Variants in NELL2 observed in about 807,000 individuals in gnomAD.
The protein encoded by NELL2 is protein kinase C-binding protein NELL2.
Under a neutral mutation model 109.6 loss-of-function variants are expected in NELL2, and 41 were observed. That is an observed-to-expected ratio of 0.37 (90% confidence interval 0.29 to 0.49). NELL2 has a LOEUF of 0.49. Among genes scored for constraint, NELL2 ranks in the 20% least tolerant of loss-of-function variants. The pLI is 0.98. For synonymous variants in NELL2, 355 were observed against 344.7 expected, an observed-to-expected ratio of 1.03 and a Z score of -0.33; for missense variants, 900 against 1,008.3, an observed-to-expected ratio of 0.89 and a Z score of 1.45.
rs147939887 is a variant in NELL2, at chr12:44,712,153, T to C, written c.1087-759A>G. On this transcript the variant is annotated intron_variant, in intron 10 of 19. Coordinates refer to ENST00000429094, the MANE Select transcript of NELL2 (RefSeq NM_001145108.2). Reference sequence around the variant, plus strand: ...AAAACAAGGATCATTAACTATGTTATATTATGCTAACCAATACATAAGTAA... The same window carrying C: ...AAAACAAGGATCATTAACTATGTTACATTATGCTAACCAATACATAAGTAA... Among the ~76,000 whole-genome samples the C allele has an allele frequency of 8.5e-4, 130 of 152,206 alleles. 1 individual carries two copies. The highest frequency in any genetic ancestry group is 3.6e-3 in the Admixed American group (55 of 15,252).
intron 9 of NELL2, among the ~76,000 whole-genome samples, chr12:44,725,386 G>GATT (rs1457609085): frequency 6.6e-6 from 1 of 152,062 alleles, no homozygotes; most frequent in East Asian, 1.9e-4. Flanking sequence ...AAAAGGGAAT[G>GATT]ATTATACGCT....
At chr12:44,762,155 A>G (rs1941154101) in intron 9 of NELL2, among the ~76,000 whole-genome samples, 2 of 152,188 alleles carry the variant, frequency 1.3e-5, no homozygotes, top group African/African-American at 2.4e-5. Context: ...TCCAGACTCC[A>G]GGCTCAAATA....
intron 2 of NELL2, among the ~76,000 whole-genome samples, chr12:44,868,181 T>C (rs1273101010): frequency 6.7e-6 from 1 of 149,326 alleles, no homozygotes; most frequent in Non-Finnish European, 1.5e-5. Flanking sequence ...AACAATCTCA[T>C]TTACAATGGC....
chr12:44,803,224 G>C (rs1942890951), intron 3 of NELL2, among the ~76,000 whole-genome samples: 1 of 83,210 alleles, frequency 1.2e-5, no homozygotes, highest in African/African-American at 3.9e-5. Context: ...AACTGGAACT[G>C]CTCCAGATTG....
At chr12:44,529,944 T>C (rs1322455921) in intron 16 of NELL2, among the ~76,000 whole-genome samples, 2 of 152,214 alleles carry the variant, frequency 1.3e-5, no homozygotes, top group African/African-American at 4.8e-5. Flanking sequence ...TTTGCTTTTG[T>C]TTTGTTTTCA....
intron 13 of NELL2, among the ~76,000 whole-genome samples, chr12:44,644,608 G>GTATATATA (rs1180129986): frequency 7.8e-4 from 71 of 90,808 alleles, no homozygotes; most frequent in African/African-American, 3.0e-3. Context: ...ATATATGTAT[G>GTATATATA]TATATATATA....
At chr12:44,595,593 AT>A (rs57566164) in intron 15 of NELL2, among the ~76,000 whole-genome samples, 45,644 of 121,416 alleles carry the variant, frequency 0.38, 6,716 homozygotes, top group African/African-American at 0.43. Flanking sequence ...CACCCAGCTA[AT>A]TTTTTTTTTT....
At chr12:44,880,650 GAGGCT>G (rs909669905), upstream of NELL2, among the ~76,000 whole-genome samples, 19 of 152,062 alleles carry the variant, frequency 1.2e-4, 1 homozygote, top group African/African-American at 4.3e-4. Context: ...AGAATATCAT[GAGGCT>G]CTAACTCTGG....
intron 12 of NELL2, among the ~76,000 whole-genome samples, chr12:44,676,203 G>A (rs1776061522): frequency 6.6e-6 from 1 of 152,074 alleles, no homozygotes; most frequent in African/African-American, 2.4e-5. Context: ...TGAAATACTG[G>A]CTGGCAAAGT....
rs577849443 is a variant in NELL2, at chr12:44,700,311, C to T, written c.1318+3415G>A. ...CCCTGCATCCAGCCTTTCTCCTGTT[C>T]ATCCTACAGCTGGAGTGATATGTTT... On this transcript the variant is annotated intron_variant, in intron 12 of 19. Coordinates refer to ENST00000429094, the MANE Select transcript of NELL2 (RefSeq NM_001145108.2). 1.8e-3 allele frequency among the ~76,000 whole-genome samples: 270 copies of T among 152,308 alleles called. 2 individuals carry two copies. The highest frequency in any genetic ancestry group is 6.2e-3 in the African/African-American group (256 of 41,582).
At chr12:44,703,175 T>C (rs1937651657) in intron 12 of NELL2, among the ~76,000 whole-genome samples, 2 of 152,252 alleles carry the variant, frequency 1.3e-5, no homozygotes, top group African/African-American at 4.8e-5. Flanking sequence ...TCACTGTATG[T>C]GGACAGTTTC....
chr12:44,791,640 TA>T (rs112766103), intron 3 of NELL2, among the ~76,000 whole-genome samples: 9 of 150,480 alleles, frequency 6.0e-5, no homozygotes, highest in African/African-American at 1.5e-4. Flanking sequence ...AAAACAAAAC[TA>T]AAAAAAAATA....
In NELL2 at chr12:44,703,810, T is replaced by G; in HGVS notation, c.1234A>C (p.Ile412Leu). 6.2e-7 allele frequency: 1 copy of G among 1,613,320 alleles called. No homozygotes were observed. The highest frequency in any genetic ancestry group is 1.3e-5 in the African/African-American group (1 of 74,930). ...GCCCTGTCATTCAGATTTCTGCAGA[T>G]GGAATTCTCCATGCAGTTATGCCTT... ...SERHNCMENSICRNLNDRAVC... is the reference protein window; with the variant it reads ...SERHNCMENSLCRNLNDRAVC... The change falls in exon 12 of 20, where the codon ATC (isoleucine) becomes CTC (leucine). Residue 412 changes from isoleucine (I) to leucine (L), a missense_variant. This residue lies in a region of NELL2 where 292 missense variants were observed against 265.3 expected (regional missense o/e 1.10). Coordinates refer to ENST00000429094, the MANE Select transcript of NELL2 (RefSeq NM_001145108.2).
chr12:44,684,232 G>T (rs558298227), intron 12 of NELL2, among the ~76,000 whole-genome samples: 2 of 152,298 alleles, frequency 1.3e-5, no homozygotes, highest in East Asian at 3.9e-4. Context: ...TTCTCTGATG[G>T]TAGTTTGTAT....
In NELL2 at chr12:44,703,806, C is replaced by A; in HGVS notation, c.1238G>T (p.Cys413Phe). Residue 413 changes from cysteine to phenylalanine, a missense_variant, in exon 12 of 20, where the codon TGC becomes TTC. Coordinates refer to ENST00000429094, the MANE Select transcript of NELL2 (RefSeq NM_001145108.2). ...ERHNCMENSI[C>F]RNLNDRAVCS... Reference sequence around the variant, plus strand: ...AACAGCCCTGTCATTCAGATTTCTGCAGATGGAATTCTCCATGCAGTTATG... The same window carrying A: ...AACAGCCCTGTCATTCAGATTTCTGAAGATGGAATTCTCCATGCAGTTATG... The A allele has an allele frequency of 6.2e-7, 1 of 1,613,358 alleles. No homozygotes were observed. Among genetic ancestry groups the A allele is most frequent in the Non-Finnish European group, 8.5e-7 (1 of 1,179,576 alleles).
chr12:44,652,647 A>G (rs1056820550), intron 13 of NELL2, among the ~76,000 whole-genome samples: 2 of 152,346 alleles, frequency 1.3e-5, no homozygotes, highest in African/African-American at 4.8e-5. Context: ...ACAGTTATGG[A>G]CAAGTCAACA....
intron 2 of NELL2, among the ~76,000 whole-genome samples, chr12:44,832,660 A>G (rs1000958053): frequency 1.3e-5 from 2 of 152,228 alleles, no homozygotes; most frequent in African/African-American, 4.8e-5. Flanking sequence ...ATTTCTTGGC[A>G]TTGCCACCTA....
At chr12:44,529,940 T>C (rs1941965261) in intron 16 of NELL2, among the ~76,000 whole-genome samples, 1 of 152,204 alleles carries the variant, frequency 6.6e-6, no homozygotes, top group Non-Finnish European at 1.5e-5. Context: ...TTTGTTTGCT[T>C]TTGTTTTGTT....
At chr12:44,774,205 A>C (rs1364349166) in intron 9 of NELL2, among the ~76,000 whole-genome samples, 1 of 152,226 alleles carries the variant, frequency 6.6e-6, no homozygotes, top group African/African-American at 2.4e-5. Context: ...TGACAACCGA[A>C]GTGAACTGCT....
Sources: allele counts gnomAD v4.1 joint callset (sites outside exome capture counted in the v4.1 genomes callset), GRCh38; gene constraint gnomAD v4.1.1; regional missense constraint gnomAD v4.1.1; transcripts MANE v1.5; gene names NCBI Gene and HGNC (gene_info 2026-07-23, HGNC 2026-07-21).